Variants in ZNF385C observed in about 807,000 individuals in gnomAD.
The protein encoded by ZNF385C is CTD-2132N18.2.
In ZNF385C, 28 loss-of-function variants were observed where a neutral mutation model predicts 35.4. That is an observed-to-expected ratio of 0.79 (90% CI 0.59 to 1.08). ZNF385C has a LOEUF of 1.08. Ranked by LOEUF, ZNF385C falls within the 50% of genes least tolerant of loss-of-function variation. The pLI, the probability that ZNF385C is intolerant of heterozygous loss-of-function variation, is 0.00. For missense variants in ZNF385C, 605 were observed against 595.6 expected, an observed-to-expected ratio of 1.02 and a Z score of -0.16; for synonymous variants, 248 against 248.2, an observed-to-expected ratio of 1.00 and a Z score of 0.01.
At chr17:42,075,112 A>G (rs1555659145) in intron 1 of ZNF385C, among the ~76,000 whole-genome samples, 2 of 152,202 alleles carry the variant, frequency 1.3e-5, no homozygotes, top group African/African-American at 4.8e-5. Context: ...CACAGCAGGC[A>G]GTTTCTTCCT....
At chr17:42,035,112 C>T (rs1424571134) in intron 3 of ZNF385C, among the ~76,000 whole-genome samples, 1 of 63,678 alleles carries the variant, frequency 1.6e-5, no homozygotes, top group Non-Finnish European at 2.7e-5. Flanking sequence ...GAGTGAGACT[C>T]TGTCTCAAAA....
chr17:42,090,355 C>T (rs1324656420), intron 1 of ZNF385C, among the ~76,000 whole-genome samples: 2 of 140,208 alleles, frequency 1.4e-5, no homozygotes, highest in Non-Finnish European at 3.0e-5. Context: ...TGCGCGATCT[C>T]GGCTCACTGC....
intron 1 of ZNF385C, among the ~76,000 whole-genome samples, chr17:42,072,164 G>A (rs781993773): frequency 2.0e-5 from 3 of 152,146 alleles, no homozygotes; most frequent in Non-Finnish European, 4.4e-5. Flanking sequence ...TCTCAGTGTT[G>A]ATAGGGGTGG....
chr17:42,075,581 G>A (rs531869381), intron 1 of ZNF385C, among the ~76,000 whole-genome samples: 1 of 141,694 alleles, frequency 7.1e-6, no homozygotes, highest in Admixed American at 7.6e-5. Context: ...TGCAAGCTCC[G>A]CCTCCCGGGT....
chr17:42,079,382 C>CA lies in ZNF385C; in HGVS notation c.-2-16325dup, dbSNP rs571676432. 4.2e-3 allele frequency among the ~76,000 whole-genome samples: 313 copies of CA among 73,912 alleles called. 4 individuals are homozygous for CA. The highest frequency in any genetic ancestry group is 0.027 in the East Asian group (42 of 1,554). The allele number at this position is 73,912 out of a possible 152,430, so 48.5% of individuals were successfully genotyped here. A position where few individuals can be genotyped will look rare whatever the true frequency, so the allele number is the denominator to read the frequency against. On this transcript the variant is annotated intron_variant, in intron 1 of 8. Transcript: ENST00000692273. ...CCTGGGTGACAGTGAGACTCTGTCT[C>CA]AAAAAAAAAAAAAAAAAAAATACTG...
chr17:42,066,353 C>T (rs540564590), intron 1 of ZNF385C, among the ~76,000 whole-genome samples: 1 of 152,264 alleles, frequency 6.6e-6, no homozygotes, highest in South Asian at 2.1e-4. Flanking sequence ...CCACTGGTGC[C>T]CGGCCAATCA....
intron 1 of ZNF385C, among the ~76,000 whole-genome samples, chr17:42,066,850 C>T (rs1319155885): frequency 6.6e-6 from 1 of 151,974 alleles, no homozygotes; most frequent in Non-Finnish European, 1.5e-5. Flanking sequence ...GGGTGGATCA[C>T]GAGATCAGGA....
intron 1 of ZNF385C, among the ~76,000 whole-genome samples, chr17:42,080,206 T>C (rs1412922045): frequency 2.0e-5 from 3 of 152,160 alleles, no homozygotes; most frequent in Non-Finnish European, 4.4e-5. Context: ...GACAGCCTTA[T>C]ACTGCCCCAT....
At chr17:42,088,527 C>G (rs1443245602) in intron 1 of ZNF385C, among the ~76,000 whole-genome samples, 1 of 152,258 alleles carries the variant, frequency 6.6e-6, no homozygotes, top group Non-Finnish European at 1.5e-5. Flanking sequence ...CCACGGGACT[C>G]GAGGTAGGTG....
At chr17:42,048,376 CAAAAAAAAA>C (rs34771406) in intron 2 of ZNF385C, among the ~76,000 whole-genome samples, 4 of 124,848 alleles carry the variant, frequency 3.2e-5, no homozygotes, top group African/African-American at 6.1e-5. Flanking sequence ...CTGTCTTTAC[CAAAAAAAAA>C]AAAAAAAAAA....
intron 1 of ZNF385C, 77 bp from the exon 2 acceptor site, chr17:42,063,135 C>T (rs2053490242): frequency 1.3e-5 from 7 of 555,466 alleles, no homozygotes; most frequent in South Asian, 4.5e-5. Flanking sequence ...GGCTCAAGAC[C>T]GGGAGACACG....
chr17:42,068,534 A>G (rs782596927), intron 1 of ZNF385C, among the ~76,000 whole-genome samples: 4 of 150,972 alleles, frequency 2.6e-5, no homozygotes, highest in Admixed American at 6.6e-5. Flanking sequence ...TTTGGGGGGG[A>G]TAGGGTTTGA....
intron 2 of ZNF385C, among the ~76,000 whole-genome samples, chr17:42,048,469 C>T (rs138462749): frequency 1.3e-5 from 2 of 152,002 alleles, no homozygotes; most frequent in African/African-American, 2.4e-5. Context: ...CACTTGAGCC[C>T]GAGTTTGAGA....
At chr17:42,097,552 C>T (rs1405350065) in intron 1 of ZNF385C, among the ~76,000 whole-genome samples, 1 of 152,104 alleles carries the variant, frequency 6.6e-6, no homozygotes, top group Non-Finnish European at 1.5e-5. Context: ...TCCCTTTGTT[C>T]TATAATCCAG....
At chr17:42,073,822 C>T (rs1299393630) in intron 1 of ZNF385C, among the ~76,000 whole-genome samples, 6 of 152,190 alleles carry the variant, frequency 3.9e-5, no homozygotes, top group African/African-American at 9.7e-5. Context: ...GAAGAAGTGG[C>T]GGTGCCATTT....
At chr17:42,089,560 A>T (rs1342738403) in intron 1 of ZNF385C, among the ~76,000 whole-genome samples, 1 of 152,212 alleles carries the variant, frequency 6.6e-6, no homozygotes, top group Non-Finnish European at 1.5e-5. Flanking sequence ...GGTAGAAGTA[A>T]CACTGAGGAT....
chr17:42,029,342 A>G (rs1005294398), intron 5 of ZNF385C, among the ~76,000 whole-genome samples: 6 of 152,256 alleles, frequency 3.9e-5, no homozygotes, highest in Non-Finnish European at 8.8e-5. Context: ...AAGATGTACT[A>G]GAATGTTCAG....
At chr17:42,070,188 CA>C in intron 1 of ZNF385C, among the ~76,000 whole-genome samples, 1 of 150,772 alleles carries the variant, frequency 6.6e-6, no homozygotes, top group African/African-American at 2.4e-5. Context: ...ACCAAAAATA[CA>C]AAAAAATTAG....
chr17:42,090,118 C>A (rs1483926626), intron 1 of ZNF385C, among the ~76,000 whole-genome samples: 2 of 152,074 alleles, frequency 1.3e-5, no homozygotes, highest in African/African-American at 4.8e-5. Context: ...CACTTGGGAG[C>A]TTTCTCAAAG....
Sources: allele counts gnomAD v4.1 joint callset (sites outside exome capture counted in the v4.1 genomes callset), GRCh38; gene constraint gnomAD v4.1.1; transcripts MANE v1.5; gene names NCBI Gene and HGNC (gene_info 2026-07-23, HGNC 2026-07-21).